PBK: variants seen among roughly 807,000 people sequenced by gnomAD.
PBK encodes the protein lymphokine-activated killer T-cell-originated protein kinase.
PBK carries 22 observed loss-of-function variants against 33.5 expected under a neutral mutation model. That is an observed-to-expected ratio of 0.66 (90% CI 0.47 to 0.94). The LOEUF (loss-of-function observed/expected upper bound fraction) is 0.94, where lower values mean the gene tolerates loss of function less well. PBK is among the 40% of genes least tolerant of loss of function. The pLI, the probability that PBK is intolerant of heterozygous loss-of-function variation, is 0.00. For missense variants in PBK, 376 were observed against 383.4 expected, an observed-to-expected ratio of 0.98 and a Z score of 0.16; for synonymous variants, 129 against 123.8, an observed-to-expected ratio of 1.04 and a Z score of -0.28.
chr8:27,817,727 TA>T (rs1261907455), intron 6 of PBK, among the ~76,000 whole-genome samples: 3 of 152,164 alleles, frequency 2.0e-5, no homozygotes, highest in Non-Finnish European at 4.4e-5. Flanking sequence ...TAAACATTTT[TA>T]AAGGTTTTTC....
intron 6 of PBK, chr8:27,812,389 C>T (rs1805705701): frequency 6.6e-6 from 1 of 152,056 alleles, no homozygotes; most frequent in African/African-American, 2.4e-5. Context: ...AAAACCTAGG[C>T]AATACCATTC....
chr8:27,810,971 A>G lies in PBK; in HGVS notation c.759T>C (p.Asp253=), dbSNP rs1414578820. ...TTGTATTCATACCTTCATCATCATC[A>G]TCATTTGAAAGATTAATGTGTGGAA... ...LSIPHINLSN[D]DDDEDKTFDE... Residue 253 remains aspartate, a synonymous_variant, in exon 7 of 8, where the codon GAT becomes GAC. Transcript: ENST00000301905. 1.9e-6 allele frequency: 3 copies of G among 1,593,622 alleles called. No homozygotes were observed. The highest frequency in any genetic ancestry group is 3.3e-5 in the Admixed American group (2 of 59,952).
Position 27,810,005 on chromosome 8 carries a change from T to A in PBK, c.*300A>T. 1 of 303,620 alleles carries A rather than the reference T, an allele frequency of 3.3e-6. No individual in the cohort carries two copies. Among genetic ancestry groups the A allele is most frequent in the South Asian group, 4.8e-5 (1 of 20,948 alleles). 18.8% of individuals were successfully genotyped at this position (303,620 alleles called of 1,614,324 possible). A position where few individuals can be genotyped will look rare whatever the true frequency, so the allele number is the denominator to read the frequency against. On this transcript the variant is annotated 3_prime_UTR_variant, in exon 8 of 8. Transcript: ENST00000301905. ...GAAAGATCATTAATAAAAGTAATGG[T>A]CATTCAATTTAATGTTACAGTTTAC...
At chr8:27,820,431 G>T in intron 6 of PBK, 134 bp downstream of exon 6, 1 of 594,076 alleles carries the variant, frequency 1.7e-6, no homozygotes, top group Non-Finnish European at 2.9e-6. Context: ...CTGGGAGAGA[G>T]AGAAAAAAAG....
At chr8:27,834,826 G>A (rs574885206) in intron 1 of PBK, among the ~76,000 whole-genome samples, 1 of 151,938 alleles carries the variant, frequency 6.6e-6, no homozygotes, top group East Asian at 1.9e-4. Context: ...AACCTGGGAG[G>A]CGGAGGTTGC....
At position 27,837,787 on chromosome 8, in the gene PBK, T is replaced by G. The variant is rs1806256666; in HGVS notation, c.-156A>C. On this transcript the variant is annotated 5_prime_UTR_variant, in exon 1 of 8. Coordinates refer to ENST00000301905, the MANE Select transcript of PBK (RefSeq NM_018492.4). Reference sequence around the variant, plus strand: ...AGCACCAACACATACGCCCGGCAGCTGCCGTTGCAATTCGAACCCTCCTGG... The same window carrying G: ...AGCACCAACACATACGCCCGGCAGCGGCCGTTGCAATTCGAACCCTCCTGG... 6.6e-6 allele frequency: 1 copy of G among 152,226 alleles called. No individual in the cohort carries two copies. Among genetic ancestry groups the G allele is most frequent in the South Asian group, 2.1e-4 (1 of 4,822 alleles). The allele number at this position is 152,226 out of a possible 1,614,324, so 9.4% of individuals were successfully genotyped here.
At position 27,810,973 on chromosome 8, in the gene PBK, CATT is replaced by C. The variant is rs764210457; in HGVS notation, c.754_756del (p.Asn252del). ...GTATTCATACCTTCATCATCATCATCATTTGAAAGATTAATGTGTGGAATCGAT... is the reference window on the plus strand; with the variant it reads ...GTATTCATACCTTCATCATCATCATCTGAAAGATTAATGTGTGGAATCGAT... On this transcript the variant is annotated inframe_deletion, in exon 7 of 8. Transcript: ENST00000301905. 1 of 1,595,372 alleles carries C rather than the reference CATT, an allele frequency of 6.3e-7. No individual in the cohort carries two copies. Among genetic ancestry groups the C allele is most frequent in the African/African-American group, 1.3e-5 (1 of 74,524 alleles).
At chr8:27,828,077 A>C in intron 3 of PBK, 28 bp downstream of exon 3, 2 of 1,040,262 alleles carry the variant, frequency 1.9e-6, no homozygotes, top group Non-Finnish European at 1.5e-6. Context: ...TTGCATGAAA[A>C]AAGGTTAATC....
rs1806064099 is a variant in PBK at position 27,828,203 on chromosome 8, A to G, written c.59-5T>C. On this transcript the variant is annotated splice_polypyrimidine_tract_variant and splice_region_variant and intron_variant, in intron 2 of 7. Transcript: ENST00000301905. ...TAGTTGGAGTTGAACATAATACTAA[A>G]TGTCAGAGAAATAAAAAATAAAATT... 1 of 1,304,110 alleles carries G rather than the reference A, an allele frequency of 7.7e-7. No individual in the cohort carries two copies. The highest frequency in any genetic ancestry group is 1.1e-6 in the Non-Finnish European group (1 of 921,040). The allele number at this position is 1,304,110 out of a possible 1,614,324, so 80.8% of individuals were successfully genotyped here. A position where few individuals can be genotyped will look rare whatever the true frequency, so the allele number is the denominator to read the frequency against.
At chr8:27,813,769 G>C (rs1805752105) in intron 6 of PBK, among the ~76,000 whole-genome samples, 1 of 152,154 alleles carries the variant, frequency 6.6e-6, no homozygotes, top group South Asian at 2.1e-4. Context: ...ATTGATTCTT[G>C]AATGTTACAA....
intron 6 of PBK, among the ~76,000 whole-genome samples, chr8:27,820,353 A>C (rs920740028): frequency 9.9e-5 from 15 of 152,178 alleles, no homozygotes; most frequent in Non-Finnish European, 1.5e-4. Context: ...ATATATACTA[A>C]TACTACTACT....
At chr8:27,817,061 T>C (rs532791871) in intron 6 of PBK, among the ~76,000 whole-genome samples, 1 of 152,278 alleles carries the variant, frequency 6.6e-6, no homozygotes, top group African/African-American at 2.4e-5. Flanking sequence ...CCTACAGAAA[T>C]GCCTTCCCTG....
chr8:27,833,509 CA>C (rs112911608), intron 1 of PBK, among the ~76,000 whole-genome samples: 22,827 of 106,578 alleles, frequency 0.21, 2,077 homozygotes, highest in East Asian at 0.43. Flanking sequence ...AACTCCGTCT[CA>C]AAAAAAAAAA....
In PBK at chr8:27,828,053, C is replaced by T. The variant is rs370104991; in HGVS notation, c.152+52G>A. 2.1e-4 allele frequency: 184 copies of T among 857,998 alleles called. 1 individual carries two copies. The highest frequency in any genetic ancestry group is 3.3e-4 in the Non-Finnish European group (167 of 504,358). The allele number at this position is 857,998 out of a possible 1,614,324, so 53.1% of individuals were successfully genotyped here. ...CAGACTACTTCTTTGTCTCCAAGTA[C>T]AGTAGAATTATAGTTGCATGAAAAA... On this transcript the variant is annotated intron_variant, in intron 3 of 7. Transcript: ENST00000301905.
rs146687449 is a variant in PBK, at chr8:27,831,551, T to C, written c.58+1505A>G. 1.1e-3 allele frequency among the ~76,000 whole-genome samples: 122 copies of C among 109,742 alleles called. 1 individual carries two copies. Among genetic ancestry groups the C allele is most frequent in the African/African-American group, 1.5e-3 (36 of 23,476 alleles). The allele number at this position is 109,742 out of a possible 152,430, so 72.0% of individuals were successfully genotyped here. ...GAATATCATTGACATTTGTAGAACA[T>C]TGACATTTGTAGAACACCGTACCCA... is the stretch of plus-strand genomic sequence containing the variant. On this transcript the variant is annotated intron_variant, in intron 2 of 7. Coordinates refer to ENST00000301905, the MANE Select transcript of PBK (RefSeq NM_018492.4).
chr8:27,826,492 G>T (rs7838664), intron 3 of PBK, among the ~76,000 whole-genome samples: 16,335 of 139,884 alleles, frequency 0.12, 1,360 homozygotes, highest in East Asian at 0.3. Context: ...GGCTGAATCA[G>T]GAGGAGTGTA....
At chr8:27,820,923 A>G (rs1805915111) in intron 5 of PBK, among the ~76,000 whole-genome samples, 1 of 151,526 alleles carries the variant, frequency 6.6e-6, no homozygotes, top group Non-Finnish European at 1.5e-5. Flanking sequence ...TCCTGGGTTC[A>G]AGTGATTTTC....
intron 6 of PBK, among the ~76,000 whole-genome samples, chr8:27,816,831 A>C (rs1275000920): frequency 6.6e-6 from 1 of 152,116 alleles, no homozygotes; most frequent in African/African-American, 2.4e-5. Flanking sequence ...ATTTATGCCT[A>C]TAAATATAAA....
chr8:27,837,018 T>A (rs758283025), intron 1 of PBK, among the ~76,000 whole-genome samples: 1 of 152,202 alleles, frequency 6.6e-6, no homozygotes, highest in East Asian at 1.9e-4. Context: ...CATTAATTGT[T>A]AAATAACCAT....
Sources: allele counts gnomAD v4.1 joint callset (sites outside exome capture counted in the v4.1 genomes callset), GRCh38; gene constraint gnomAD v4.1.1; transcripts MANE v1.5; gene names NCBI Gene and HGNC (gene_info 2026-07-23, HGNC 2026-07-21).